Variants in NF1 observed in about 807,000 individuals in gnomAD.
NF1 encodes the protein neurofibromin 1.
Under a neutral mutation model 325.7 loss-of-function variants are expected in NF1, and 122 were observed. The observed-to-expected ratio is 0.37, with a 90% CI of 0.32 to 0.44. The LOEUF is 0.44. Among genes scored for constraint, NF1 ranks in the 20% least tolerant of loss-of-function variants. NF1 has a pLI of 1.00. For synonymous variants in NF1, 1,091 were observed against 1,186.0 expected (o/e 0.92, Z 1.65); for missense variants, 2,140 against 3,415.4 (o/e 0.63, Z 9.31).
intron 36 of NF1, among the ~76,000 whole-genome samples, chr17:31,324,590 G>A (rs895380368): frequency 4.0e-5 from 6 of 151,562 alleles, no homozygotes; most frequent in African/African-American, 1.5e-4. Flanking sequence ...TTTTAAGACA[G>A]TCTCACTGTT....
At chr17:31,164,422 A>G (rs938680600) in intron 4 of NF1, among the ~76,000 whole-genome samples, 1 of 152,202 alleles carries the variant, frequency 6.6e-6, no homozygotes, top group African/African-American at 2.4e-5. Context: ...TGTTATGCAC[A>G]TGATTTGCCT....
chr17:31,371,669 A>T (rs965091904), intron 57 of NF1, among the ~76,000 whole-genome samples: 5 of 152,238 alleles, frequency 3.3e-5, no homozygotes, highest in Non-Finnish European at 1.5e-5. Context: ...GACTAGCCTT[A>T]AAAAATTTAA....
At chr17:31,296,027 C>A (rs1405588243) in intron 36 of NF1, 1 of 1,613,878 alleles carries the variant, frequency 6.2e-7, no homozygotes, top group African/African-American at 1.3e-5. Flanking sequence ...AGACATGTTC[C>A]ACAGAGACCG....
At chr17:31,311,430 A>G (rs916237978) in intron 36 of NF1, among the ~76,000 whole-genome samples, 5 of 152,228 alleles carry the variant, frequency 3.3e-5, no homozygotes, top group African/African-American at 1.2e-4. Context: ...TTACTTTGAT[A>G]TAATAAAAGT....
chr17:31,109,049 A>G (rs2143280259), intron 1 of NF1, among the ~76,000 whole-genome samples: 1 of 152,376 alleles, frequency 6.6e-6, no homozygotes, highest in Non-Finnish European at 1.5e-5. Flanking sequence ...AAGTGCTAAC[A>G]ACTCATGCCT....
chr17:31,118,776 A>G (rs1391694853), intron 1 of NF1, among the ~76,000 whole-genome samples: 2 of 152,138 alleles, frequency 1.3e-5, no homozygotes, highest in African/African-American at 2.4e-5. Context: ...TTTATAGTAG[A>G]ATGATTTATA....
intron 8 of NF1, among the ~76,000 whole-genome samples, chr17:31,185,944 A>G (rs980553024): frequency 6.6e-6 from 1 of 151,488 alleles, no homozygotes; most frequent in Non-Finnish European, 1.5e-5. Context: ...GCAGATAACT[A>G]CTCTCCTTTT....
chr17:31,173,141 G>A (rs1338577909), intron 5 of NF1, among the ~76,000 whole-genome samples: 1 of 152,284 alleles, frequency 6.6e-6, no homozygotes, highest in East Asian at 1.9e-4. Context: ...AATGGGCTGG[G>A]CGCGGTGGCT....
intron 24 of NF1, 132 bp downstream of exon 24, chr17:31,231,057 G>A (rs2067105539): frequency 5.6e-6 from 4 of 711,704 alleles, no homozygotes; most frequent in African/African-American, 1.8e-5. Context: ...TTTGAAATAT[G>A]TAAAGATGCT....
chr17:31,253,395 G>T, intron 31 of NF1: 1 of 189,010 alleles, frequency 5.3e-6, no homozygotes, highest in Non-Finnish European at 1.1e-5. Context: ...AGATGACAGT[G>T]TTTCTTAATT....
chr17:31,287,412 T>C (rs2068251911), intron 36 of NF1, among the ~76,000 whole-genome samples: 1 of 152,238 alleles, frequency 6.6e-6, no homozygotes, highest in African/African-American at 2.4e-5. Flanking sequence ...TGATAAACTT[T>C]ATGTCATGCT....
intron 1 of NF1, among the ~76,000 whole-genome samples, chr17:31,143,672 A>G (rs1221733850): frequency 1.3e-5 from 2 of 152,092 alleles, no homozygotes; most frequent in Non-Finnish European, 2.9e-5. Flanking sequence ...TTGAAATACC[A>G]CCTTTATTAT....
chr17:31,212,666 C>T (rs1435611518), intron 12 of NF1, among the ~76,000 whole-genome samples: 2 of 152,110 alleles, frequency 1.3e-5, no homozygotes, highest in African/African-American at 4.8e-5. Context: ...GCCGAGATCG[C>T]GCCACTGCAC....
At chr17:31,133,632 C>T (rs1416632210) in intron 1 of NF1, 3 of 152,042 alleles carry the variant, frequency 2.0e-5, no homozygotes, top group East Asian at 1.9e-4. Context: ...TCTCCATATC[C>T]TCATTTACGT....
chr17:31,337,495 G>A lies in NF1; in HGVS notation c.6555G>A (p.Arg2185=), dbSNP rs786203189. 1.9e-6 allele frequency: 3 copies of A among 1,614,140 alleles called. No individual in the cohort carries two copies. Among genetic ancestry groups the A allele is most frequent in the South Asian group, 2.2e-5 (2 of 91,082 alleles). The stretch of plus-strand genomic sequence containing the variant: ...CCTTCCGTTCCAGTTACCGGGACAG[G>A]TCATTCTCTCCTGGCTCCTATGAGA... ...VIAFRSSYRD[R]SFSPGSYERE... The change falls in exon 43 of 58, where the codon AGG becomes AGA. Residue 2185 remains arginine (R), a synonymous_variant. Coordinates refer to ENST00000358273, the MANE Select transcript of NF1 (RefSeq NM_001042492.3).
chr17:31,200,162 A>T (rs1392079469), intron 8 of NF1, among the ~76,000 whole-genome samples: 1 of 152,046 alleles, frequency 6.6e-6, no homozygotes, highest in Non-Finnish European at 1.5e-5. Flanking sequence ...AGAAGTTCAG[A>T]AAACAGCTTG....
Position 31,229,360 on chromosome 17 carries a change from C to A in NF1, c.2745C>A (p.Thr915=), listed in dbSNP as rs759465116. 1 of 1,613,850 alleles carries A rather than the reference C, an allele frequency of 6.2e-7. No homozygotes were observed. Among genetic ancestry groups the A allele is most frequent in the Non-Finnish European group, 8.5e-7 (1 of 1,179,818 alleles). Residue 915 remains threonine, a synonymous_variant, in exon 21 of 58, where the codon ACC becomes ACA. Transcript: ENST00000358273. ...AGAAAGTGGGACTTCAAATACGGAC[C>A]AATGTTAAGGATCTGGTGGGTCTAG... is the stretch of plus-strand genomic sequence containing the variant. ...NHEKVGLQIR[T]NVKDLVGLEL...
chr17:31,263,820 T>C (rs935522968), intron 35 of NF1, among the ~76,000 whole-genome samples: 2 of 152,002 alleles, frequency 1.3e-5, no homozygotes, highest in African/African-American at 2.4e-5. Context: ...ATTTAAAAAA[T>C]TATTAAATTA....
chr17:31,107,994 G>C (rs938909932), intron 1 of NF1, among the ~76,000 whole-genome samples: 8 of 151,690 alleles, frequency 5.3e-5, no homozygotes, highest in African/African-American at 1.9e-4. Context: ...GTAGCTAGGC[G>C]TGGTGGTGCA....
Sources: gnomAD v4.1 joint callset for allele counts (sites outside exome capture counted in the v4.1 genomes callset) on GRCh38, gnomAD v4.1.1 for gene constraint, MANE v1.5 for transcripts, NCBI Gene and HGNC (gene_info 2026-07-23, HGNC 2026-07-21) for gene names.